FOXN3: variants seen among roughly 807,000 people sequenced by gnomAD.
The protein encoded by FOXN3 is forkhead box protein N3.
Under a neutral mutation model 38.4 loss-of-function variants are expected in FOXN3, and 7 were observed. The observed-to-expected ratio is 0.18, with a 90% CI of 0.10 to 0.34. The LOEUF is 0.34. Ranked by LOEUF, FOXN3 falls within the 10% of genes least tolerant of loss-of-function variation. FOXN3 has a pLI of 1.00. For missense variants in FOXN3, 456 were observed against 613.4 expected (o/e 0.74, Z 2.71); for synonymous variants, 230 against 242.2 (o/e 0.95, Z 0.47).
At chr14:89,612,271 A>T (rs1490881773) in intron 1 of FOXN3, among the ~76,000 whole-genome samples, 1 of 152,148 alleles carries the variant, frequency 6.6e-6, no homozygotes, top group African/African-American at 2.4e-5. Context: ...GCATCTGACA[A>T]AGGAAGGCCC....
chr14:89,307,278 C>A (rs937122289), intron 3 of FOXN3, among the ~76,000 whole-genome samples: 2 of 152,156 alleles, frequency 1.3e-5, no homozygotes, highest in African/African-American at 4.8e-5. Context: ...CCTCCACACA[C>A]AAATTCAAAA....
chr14:89,527,042 T>C (rs1258009459), intron 1 of FOXN3, among the ~76,000 whole-genome samples: 1 of 128,544 alleles, frequency 7.8e-6, no homozygotes, highest in Non-Finnish European at 1.6e-5. Context: ...GAAAGGAGGA[T>C]AGGGAGGGGA....
intron 1 of FOXN3, among the ~76,000 whole-genome samples, chr14:89,498,920 A>G (rs565828389): frequency 6.6e-6 from 1 of 152,302 alleles, no homozygotes; most frequent in East Asian, 1.9e-4. Flanking sequence ...AATGGATTGT[A>G]TATGAAAACA....
chr14:89,235,229 G>A (rs767794244), intron 4 of FOXN3, among the ~76,000 whole-genome samples: 53 of 152,178 alleles, frequency 3.5e-4, no homozygotes, highest in Non-Finnish European at 7.2e-4. Context: ...AGGGCCCTTT[G>A]GAACCAGGGG....
intron 4 of FOXN3, among the ~76,000 whole-genome samples, chr14:89,211,287 T>C (rs1416283251): frequency 6.6e-6 from 1 of 152,240 alleles, no homozygotes; most frequent in African/African-American, 2.4e-5. Context: ...CCAAGTTATC[T>C]TGGTCATGTT....
chr14:89,425,526 C>T (rs770294879), intron 1 of FOXN3, among the ~76,000 whole-genome samples: 19 of 101,408 alleles, frequency 1.9e-4, no homozygotes, highest in Non-Finnish European at 3.4e-4. Flanking sequence ...TGCCACCATG[C>T]CCGGCTAATT....
rs1195238403 is a variant in FOXN3 at position 89,162,476 on chromosome 14, T to G, written c.1345A>C (p.Asn449His). ...TTTGCCGTCCGATTGGTGATGTTAT[T>G]CAAACAGGACCGGATCCCTGCTAAG... is the stretch of plus-strand genomic sequence containing the variant. Reference protein sequence around the residue: ...LHLAGIRSCLNNITNRTAKGQ... With the variant: ...LHLAGIRSCLHNITNRTAKGQ... The change falls in exon 6 of 6, where the codon AAT becomes CAT. Residue 449 changes from asparagine to histidine, a missense_variant. Asn to His is a moderately conservative substitution (Grantham distance 68, BLOSUM62 1). Transcript: ENST00000557258. The surrounding 1 kb of genome is among the most constrained non-coding windows in gnomAD (Gnocchi z 7.2). The G allele has an allele frequency of 6.2e-7, 1 of 1,608,610 alleles. No homozygotes were observed. The highest frequency in any genetic ancestry group is 8.5e-7 in the Non-Finnish European group (1 of 1,177,760).
intron 1 of FOXN3, among the ~76,000 whole-genome samples, chr14:89,476,448 G>A (rs1157260946): frequency 6.6e-6 from 1 of 152,200 alleles, no homozygotes; most frequent in Non-Finnish European, 1.5e-5. Flanking sequence ...GCTCTCGCGT[G>A]TACTATGTTG....
At chr14:89,317,387 A>T (rs1010039071) in intron 3 of FOXN3, among the ~76,000 whole-genome samples, 2 of 152,160 alleles carry the variant, frequency 1.3e-5, no homozygotes, top group African/African-American at 4.8e-5. Context: ...CTGACAGGTA[A>T]ATGTCCTCTG....
At chr14:89,557,930 A>C (rs1299094488) in intron 1 of FOXN3, among the ~76,000 whole-genome samples, 1 of 152,068 alleles carries the variant, frequency 6.6e-6, no homozygotes, top group African/African-American at 2.4e-5. Flanking sequence ...CACTTGAACC[A>C]GGGAAGCGGA....
In FOXN3 at chr14:89,257,757, C is replaced by CA. The variant is rs1006758139; in HGVS notation, c.745+23192dup. On this transcript the variant is annotated intron_variant, in intron 4 of 5. Transcript: ENST00000557258. ...AGAGTGAGATCCTATCTCCAAAAAA[C>CA]AAAAAAATGAAAGTTTCAAAGACTT... Among the ~76,000 whole-genome samples the CA allele has an allele frequency of 2.7e-4, 41 of 152,020 alleles. 1 individual carries two copies. Among genetic ancestry groups the CA allele is most frequent in the East Asian group, 9.7e-4 (5 of 5,166 alleles).
intron 4 of FOXN3, among the ~76,000 whole-genome samples, chr14:89,199,412 C>G (rs538525086): frequency 1.3e-5 from 2 of 152,308 alleles, no homozygotes; most frequent in Non-Finnish European, 2.9e-5. Flanking sequence ...ACGGAGAACA[C>G]CAAGAGGGGC....
At chr14:89,375,217 C>T (rs541926497) in intron 2 of FOXN3, among the ~76,000 whole-genome samples, 4 of 152,230 alleles carry the variant, frequency 2.6e-5, no homozygotes, top group South Asian at 2.1e-4. Flanking sequence ...AGTCAAAATA[C>T]TTTCAATGGG....
chr14:89,417,877 G>A (rs559996899), upstream of FOXN3: 18 of 388,614 alleles, frequency 4.6e-5, no homozygotes, highest in African/African-American at 3.8e-4. Context: ...AAGAGGCACC[G>A]TCCTAAAGGC....
At chr14:89,200,708 C>A (rs567548179) in intron 4 of FOXN3, among the ~76,000 whole-genome samples, 4 of 152,336 alleles carry the variant, frequency 2.6e-5, no homozygotes, top group Non-Finnish European at 5.9e-5. Context: ...GTCACATTGC[C>A]GTCACATTCC....
chr14:89,169,323 C>T (rs1424648884), intron 5 of FOXN3, among the ~76,000 whole-genome samples: 3 of 152,122 alleles, frequency 2.0e-5, no homozygotes, highest in African/African-American at 4.8e-5. Context: ...TGCCTGTAGT[C>T]CCCACTACTC....
At chr14:89,593,928 T>C (rs1027016488) in intron 1 of FOXN3, among the ~76,000 whole-genome samples, 1 of 152,220 alleles carries the variant, frequency 6.6e-6, no homozygotes, top group Non-Finnish European at 1.5e-5. Context: ...ATCACGTCTA[T>C]TTTTTGAGCT....
chr14:89,360,831 ACTACCACCTCCAGCACCACCT>A (rs1889522014), intron 2 of FOXN3, among the ~76,000 whole-genome samples: 1 of 90,010 alleles, frequency 1.1e-5, no homozygotes, highest in African/African-American at 6.9e-5. Flanking sequence ...CACCTCCACC[ACTACCACCTCCAGCACCACCT>A]CCACCACCAC....
intron 4 of FOXN3, among the ~76,000 whole-genome samples, chr14:89,216,169 G>A (rs1273653432): frequency 2.0e-5 from 3 of 152,274 alleles, no homozygotes; most frequent in Admixed American, 6.5e-5. Flanking sequence ...CTGTGGACAC[G>A]CACACAGGTG....
Sources: gnomAD v4.1 joint callset for allele counts (sites outside exome capture counted in the v4.1 genomes callset) on GRCh38, gnomAD v4.1.1 for gene constraint, Gnocchi (gnomAD v3.1) non-coding constraint, MANE v1.5 for transcripts, NCBI Gene and HGNC (gene_info 2026-07-23, HGNC 2026-07-21) for gene names.